SYNRG: variants seen among roughly 807,000 people sequenced by gnomAD.
SYNRG encodes AP1 gamma subunit binding protein 1.
In SYNRG, 37 loss-of-function variants were observed where a neutral mutation model predicts 130.9. That is an observed-to-expected ratio of 0.28 (90% CI 0.22 to 0.37). The LOEUF (loss-of-function observed/expected upper bound fraction) is 0.37. Among genes scored for constraint, SYNRG ranks in the 10% least tolerant of loss-of-function variants. The pLI, the probability that SYNRG is intolerant of heterozygous loss-of-function variation, is 1.00. For missense variants in SYNRG, 1,338 were observed against 1,588.9 expected (o/e 0.84, Z 2.68); for synonymous variants, 539 against 568.1 (o/e 0.95, Z 0.73).
intron 11 of SYNRG, chr17:37,567,981 C>T (rs1349082539): frequency 6.6e-6 from 1 of 152,002 alleles, no homozygotes; most frequent in East Asian, 1.9e-4. Context: ...AGTAGAGAGA[C>T]TCACTTGAGG....
chr17:37,579,006 A>C, intron 6 of SYNRG: 1 of 639,220 alleles, frequency 1.6e-6, no homozygotes, highest in South Asian at 5.5e-5. Context: ...GTTGAATTTC[A>C]ACAGCAGTCA....
chr17:37,521,023 TTTTTC>T (rs1471658754), intron 19 of SYNRG, among the ~76,000 whole-genome samples: 1 of 135,598 alleles, frequency 7.4e-6, no homozygotes, highest in Non-Finnish European at 1.5e-5. Context: ...GTCCTAGAAC[TTTTTC>T]TTTTCTTTTT....
intron 1 of SYNRG, among the ~76,000 whole-genome samples, chr17:37,608,842 A>T (rs1029247008): frequency 5.3e-5 from 8 of 152,182 alleles, no homozygotes; most frequent in African/African-American, 1.9e-4. Flanking sequence ...CCTTGGAAAC[A>T]GTCCTCCAGC....
intron 14 of SYNRG, 59 bp downstream of exon 14, chr17:37,553,056 G>T: frequency 1.3e-6 from 2 of 1,516,958 alleles, no homozygotes; most frequent in Non-Finnish European, 1.8e-6. Flanking sequence ...ATCAACACCC[G>T]CAGAATCATC....
At chr17:37,533,544 A>T (rs550716492) in intron 19 of SYNRG, among the ~76,000 whole-genome samples, 14 of 151,468 alleles carry the variant, frequency 9.2e-5, no homozygotes, top group East Asian at 3.9e-4. Flanking sequence ...TAATTTTTTT[A>T]AAAAAGATTT....
intron 3 of SYNRG, among the ~76,000 whole-genome samples, chr17:37,589,742 G>C (rs2061994287): frequency 6.7e-6 from 1 of 148,646 alleles, no homozygotes; most frequent in South Asian, 2.1e-4. Flanking sequence ...GCAAGACTCT[G>C]ACTCAAAAAG....
At chr17:37,534,901 T>G (rs1297219537) in intron 19 of SYNRG, among the ~76,000 whole-genome samples, 1 of 137,856 alleles carries the variant, frequency 7.3e-6, no homozygotes, top group East Asian at 3.0e-4. Context: ...GAGTTCCATG[T>G]TAAAAAAAAA....
At chr17:37,587,770 T>C (rs964722313) in intron 3 of SYNRG, among the ~76,000 whole-genome samples, 3 of 152,184 alleles carry the variant, frequency 2.0e-5, no homozygotes, top group Non-Finnish European at 4.4e-5. Context: ...TTTAGCCTCC[T>C]CATCACAATC....
chr17:37,572,913 T>C (rs1024715530), intron 8 of SYNRG, among the ~76,000 whole-genome samples: 9 of 152,216 alleles, frequency 5.9e-5, no homozygotes, highest in African/African-American at 1.4e-4. Context: ...GACATACTTA[T>C]ACTAAAAAAT....
chr17:37,568,901 GTCA>G lies in SYNRG; in HGVS notation c.1368_1370del (p.Asp457del). The G allele has an allele frequency of 6.2e-7, 1 of 1,613,924 alleles. No individual in the cohort carries two copies. Among genetic ancestry groups the G allele is most frequent in the African/African-American group, 1.3e-5 (1 of 75,046 alleles). On this transcript the variant is annotated inframe_deletion, in exon 11 of 22. Transcript: ENST00000612223. ...TAGAAGCATCTTGAAAATCCTGGAA[GTCA>G]TCTTCTTCTGGCTTTACTACCTAGG...
chr17:37,539,650 C>T (rs1445817047), intron 16 of SYNRG, among the ~76,000 whole-genome samples: 1 of 152,206 alleles, frequency 6.6e-6, no homozygotes, highest in Non-Finnish European at 1.5e-5. Context: ...AGATTACAGG[C>T]ATGAGCCACC....
intron 15 of SYNRG, 60 bp downstream of exon 15, chr17:37,541,912 C>T: frequency 3.5e-6 from 5 of 1,443,508 alleles, no homozygotes; most frequent in South Asian, 1.3e-5. Context: ...TTCTTAAGAA[C>T]ATCTAACATC....
chr17:37,540,332 G>T, intron 16 of SYNRG, 48 bp downstream of exon 16: 1 of 1,596,078 alleles, frequency 6.3e-7, no homozygotes, highest in Non-Finnish European at 8.5e-7. Flanking sequence ...GGGGCCCTGT[G>T]TGCTTGCTGG....
chr17:37,605,617 A>G (rs1477179212), intron 1 of SYNRG, among the ~76,000 whole-genome samples: 6 of 152,258 alleles, frequency 3.9e-5, no homozygotes, highest in Admixed American at 2.0e-4. Flanking sequence ...CCTATGAAAA[A>G]TTCATATTTT....
At chr17:37,588,782 T>C (rs1235916237) in intron 3 of SYNRG, among the ~76,000 whole-genome samples, 1 of 150,350 alleles carries the variant, frequency 6.7e-6, no homozygotes, top group Non-Finnish European at 1.5e-5. Context: ...GTATATAAAA[T>C]ACAAAAGAAA....
chr17:37,570,660 T>A lies in SYNRG; in HGVS notation c.1324A>T (p.Ile442Leu). Residue 442 changes from isoleucine (I) to leucine (L), a missense_variant, in exon 10 of 22, where the codon ATA becomes TTA. Ile to Leu is a conservative substitution (Grantham distance 5, BLOSUM62 2). Around this residue, in one of 3 missense-constraint regions of SYNRG, gnomAD observed 1,146 missense variants for 1,342.3 expected, o/e 0.85. Transcript: ENST00000612223. ...GAAAQASSGF[I>L]PTYPANQVVK... Reference sequence around the variant, plus strand: ...ACCTGATTTGCAGGGTAGGTTGGTATGAAACCACTAGAAGCCTGGGCTGCA... The same window carrying A: ...ACCTGATTTGCAGGGTAGGTTGGTAAGAAACCACTAGAAGCCTGGGCTGCA... 1 of 1,614,030 alleles carries A rather than the reference T, an allele frequency of 6.2e-7. No individual in the cohort carries two copies.
chr17:37,539,357 T>A, intron 16 of SYNRG, 112 bp from the exon 17 acceptor site: 3 of 1,102,198 alleles, frequency 2.7e-6, no homozygotes, highest in Non-Finnish European at 3.9e-6. Context: ...ACGATCACTC[T>A]AGTTCAAGCA....
intron 1 of SYNRG, among the ~76,000 whole-genome samples, chr17:37,602,747 G>A (rs2063401230): frequency 6.6e-6 from 1 of 152,208 alleles, no homozygotes; most frequent in South Asian, 2.1e-4. Context: ...AAGGGGGCCA[G>A]ATGAGGTGGT....
intron 13 of SYNRG, among the ~76,000 whole-genome samples, 183 bp downstream of exon 13, chr17:37,561,012 G>C (rs1288160416): frequency 6.6e-6 from 1 of 152,080 alleles, no homozygotes; most frequent in East Asian, 1.9e-4. Flanking sequence ...AATACTTATA[G>C]TTTGAGTATC....
Sources: allele counts gnomAD v4.1 joint callset (sites outside exome capture counted in the v4.1 genomes callset), GRCh38; gene constraint gnomAD v4.1.1; regional missense constraint gnomAD v4.1.1; transcripts MANE v1.5; gene names NCBI Gene and HGNC (gene_info 2026-07-23, HGNC 2026-07-21).